PCDHA9: variants seen among roughly 807,000 people sequenced by gnomAD.
PCDHA9 encodes protocadherin alpha-9.
Under a neutral mutation model 62.0 loss-of-function variants are expected in PCDHA9, and 62 were observed. The ratio of observed to expected loss-of-function variants is 1.00; its 90% confidence interval spans 0.81 to 1.23. PCDHA9 has a LOEUF of 1.23. PCDHA9 is among the 50% of genes most tolerant of loss of function. The pLI, the probability that PCDHA9 is intolerant of heterozygous loss-of-function variation, is 0.00. For synonymous variants in PCDHA9, 557 were observed against 567.6 expected (o/e 0.98, Z 0.27); for missense variants, 1,205 against 1,249.8 (o/e 0.96, Z 0.54).
At chr5:140,853,080 C>A in intron 1 of PCDHA9, 1 of 301,148 alleles carries the variant, frequency 3.3e-6, no homozygotes, top group Non-Finnish European at 5.0e-6. Context: ...GGGGTTTCAC[C>A]GTGTTAGTCA....
At chr5:140,870,885 C>T (rs782085408) in intron 1 of PCDHA9, 13 of 1,613,918 alleles carry the variant, frequency 8.1e-6, no homozygotes, top group African/African-American at 1.3e-5. Flanking sequence ...CGAAGGTGCG[C>T]GCAGTGGATG....
At position 140,926,851 on chromosome 5, in the gene PCDHA9, T is replaced by G. The variant is rs201136210; in HGVS notation, c.2395-52098T>G. On this transcript the variant is annotated intron_variant, in intron 1 of 3. Transcript: ENST00000532602. The stretch of plus-strand genomic sequence containing the variant: ...TCCGGAGCATGGTCCTGGGTCACCG[T>G]TGGTGTAGCGTGTTGGTGGAACGTG... 3 of 1,517,102 alleles carry G rather than the reference T, an allele frequency of 2.0e-6. No homozygotes were observed. In the African/African-American group the frequency reaches 4.2e-5, roughly 21 times the overall value. The allele number at this position is 1,517,102 out of a possible 1,614,324, so 94.0% of individuals were successfully genotyped here.
rs1254354370 is a variant in PCDHA9, at chr5:140,853,174, T to C, written c.2394+2285T>C. Reference sequence around the variant, plus strand: ...GATTACAGGCGTGAGCCACCGCGCCTGGCCTAAAATGTGTTCTTTATTATT... The same window carrying C: ...GATTACAGGCGTGAGCCACCGCGCCCGGCCTAAAATGTGTTCTTTATTATT... On this transcript the variant is annotated intron_variant, in intron 1 of 3. Coordinates refer to ENST00000532602, the MANE Select transcript of PCDHA9 (RefSeq NM_031857.2). 56 of 970,124 alleles carry C rather than the reference T, an allele frequency of 5.8e-5. 5 individuals carry two copies. Among genetic ancestry groups the C allele is most frequent in the Non-Finnish European group, 6.7e-5 (54 of 803,994 alleles). 60.1% of individuals were successfully genotyped at this position (970,124 alleles called of 1,614,324 possible). A position where few individuals can be genotyped will look rare whatever the true frequency, so the allele number is the denominator to read the frequency against.
chr5:140,929,549 T>G, intron 1 of PCDHA9: 1 of 500,966 alleles, frequency 2.0e-6, no homozygotes, highest in Non-Finnish European at 3.3e-6. Context: ...GGGCAAAAAT[T>G]AAAACCTATT....
Position 140,962,743 on chromosome 5 carries a change from A to T in PCDHA9, c.2395-16206A>T, listed in dbSNP as rs1298793627. 2.0e-5 allele frequency among the ~76,000 whole-genome samples: 3 copies of T among 152,324 alleles called. No individual in the cohort carries two copies. The East Asian group carries it at 5.8e-4, about 29-fold the overall frequency. On this transcript the variant is annotated intron_variant, in intron 1 of 3. Coordinates refer to ENST00000532602, the MANE Select transcript of PCDHA9 (RefSeq NM_031857.2). Reference sequence around the variant, plus strand: ...ATTTTCCTTCTGGGGATGCATGAAGATCAGGAATCCTATTCGTTTTTAACA... The same window carrying T: ...ATTTTCCTTCTGGGGATGCATGAAGTTCAGGAATCCTATTCGTTTTTAACA...
At chr5:140,875,772 G>T (rs781933974) in intron 1 of PCDHA9, 2 of 1,614,136 alleles carry the variant, frequency 1.2e-6, no homozygotes, top group Non-Finnish European at 1.7e-6. Context: ...GGCGGAGCGC[G>T]GAGTGCAGTA....
chr5:140,946,457 C>T (rs1480427132), intron 1 of PCDHA9, among the ~76,000 whole-genome samples: 2 of 151,612 alleles, frequency 1.3e-5, no homozygotes, highest in Non-Finnish European at 3.0e-5. Flanking sequence ...AACTATCCAG[C>T]AATCCCACTA....
intron 3 of PCDHA9, among the ~76,000 whole-genome samples, chr5:140,992,572 G>T (rs1441448703): frequency 2.0e-5 from 3 of 152,148 alleles, no homozygotes; most frequent in Non-Finnish European, 4.4e-5. Flanking sequence ...AACACATATT[G>T]CCTGCCTTGT....
chr5:140,941,202 C>CTTTCTTTCTTT (rs1554213921), intron 1 of PCDHA9, among the ~76,000 whole-genome samples: 2,980 of 122,772 alleles, frequency 0.024, 108 homozygotes, highest in East Asian at 0.062. Context: ...TTTCTTTCTT[C>CTTTCTTTCTTT]CTTTCTTTCT....
At chr5:140,874,890 C>A (rs150583747) in intron 1 of PCDHA9, among the ~76,000 whole-genome samples, 2 of 152,276 alleles carry the variant, frequency 1.3e-5, no homozygotes, top group Admixed American at 1.3e-4. Context: ...TCCTAACTTT[C>A]TCTAAAATCT....
Position 140,857,175 on chromosome 5 carries a change from A to G in PCDHA9, c.2394+6286A>G, listed in dbSNP as rs149086377. ...ATTGCCCTAATCAGCGTTTCTGACC[A>G]TGATTCAGGAGCCAACGGACAGGTC... On this transcript the variant is annotated intron_variant, in intron 1 of 3. Transcript: ENST00000532602. 1.1e-5 allele frequency: 18 copies of G among 1,598,338 alleles called. No homozygotes were observed. The African/African-American group carries it at 1.3e-4, about 12-fold the overall frequency.
In PCDHA9 at chr5:140,856,910, A is replaced by G. The variant is rs782378927; in HGVS notation, c.2394+6021A>G. On this transcript the variant is annotated intron_variant, in intron 1 of 3. Coordinates refer to ENST00000532602, the MANE Select transcript of PCDHA9 (RefSeq NM_031857.2). ...ATTTAGCTCTTTGGTCCCACCCACG[A>G]TAAGAAGGAAATTTTGGATAAACGA... 4.4e-6 allele frequency: 7 copies of G among 1,596,308 alleles called. No individual in the cohort carries two copies. In the South Asian group the frequency reaches 4.4e-5, roughly 10 times the overall value.
chr5:140,961,647 G>C (rs1204313600), intron 1 of PCDHA9, among the ~76,000 whole-genome samples: 10 of 152,104 alleles, frequency 6.6e-5, no homozygotes, highest in African/African-American at 2.4e-4. Flanking sequence ...AAGTCTATGT[G>C]GTTAGTTTGA....
At chr5:140,946,611 A>AATATAT (rs1554217734) in intron 1 of PCDHA9, among the ~76,000 whole-genome samples, 1,127 of 86,766 alleles carry the variant, frequency 0.013, 130 homozygotes, top group African/African-American at 0.067. Flanking sequence ...GAAAATGTGA[A>AATATAT]ATATATATAT....
intron 1 of PCDHA9, chr5:140,862,950 G>A (rs559605019): frequency 1.1e-4 from 59 of 541,460 alleles, no homozygotes; most frequent in Non-Finnish European, 2.1e-4. Flanking sequence ...GAGCTGGTGC[G>A]GTATTCAGTG....
At chr5:140,876,970 G>A in intron 1 of PCDHA9, 4 of 1,612,850 alleles carry the variant, frequency 2.5e-6, no homozygotes, top group Non-Finnish European at 3.4e-6. Flanking sequence ...GCGGCGGGTG[G>A]GCGAGCACGC....
chr5:140,855,192 C>T (rs2150331288), intron 1 of PCDHA9, among the ~76,000 whole-genome samples: 1 of 149,878 alleles, frequency 6.7e-6, no homozygotes, highest in South Asian at 2.1e-4. Context: ...AAATTGAGGC[C>T]TGAGAATAGT....
In PCDHA9 at chr5:140,856,289, G is replaced by A. The variant is rs138367057; in HGVS notation, c.2394+5400G>A. Reference sequence around the variant, plus strand: ...CCTTCTGGAGGTAAATCTGCAGAATGGCATTTTGTTTGTGAATTCTCGGAT... The same window carrying A: ...CCTTCTGGAGGTAAATCTGCAGAATAGCATTTTGTTTGTGAATTCTCGGAT... On this transcript the variant is annotated intron_variant, in intron 1 of 3. Coordinates refer to ENST00000532602, the MANE Select transcript of PCDHA9 (RefSeq NM_031857.2). The A allele has an allele frequency of 3.3e-4, 527 of 1,598,532 alleles. 21 individuals carry two copies. The African/African-American group carries it at 6.0e-3, about 18-fold the overall frequency.
At chr5:140,870,702 G>A in intron 1 of PCDHA9, 2 of 1,613,072 alleles carry the variant, frequency 1.2e-6, no homozygotes, top group African/African-American at 1.3e-5. Context: ...TACAGTTCCA[G>A]GTGAGCGCGC....
Sources: allele counts gnomAD v4.1 joint callset (sites outside exome capture counted in the v4.1 genomes callset), GRCh38; gene constraint gnomAD v4.1.1; transcripts MANE v1.5; gene names NCBI Gene and HGNC (gene_info 2026-07-23, HGNC 2026-07-21).